COL28A1: variants seen among roughly 807,000 people sequenced by gnomAD.
COL28A1 encodes collagen type XXVIII alpha 1 chain.
COL28A1 carries 161 observed loss-of-function variants against 150.2 expected under a neutral mutation model. The ratio of observed to expected loss-of-function variants is 1.07; its 90% confidence interval spans 0.94 to 1.22. COL28A1 has a LOEUF of 1.22. Among genes scored for constraint, COL28A1 ranks in the 50% most tolerant of loss-of-function variants. COL28A1 has a pLI of 0.00. For synonymous variants in COL28A1, 552 were observed against 469.7 expected (o/e 1.18, Z -2.26); for missense variants, 1,617 against 1,388.3 (o/e 1.16, Z -2.62).
intron 30 of COL28A1, among the ~76,000 whole-genome samples, chr7:7,377,623 C>A (rs1367272856): frequency 6.6e-6 from 1 of 152,056 alleles, no homozygotes; most frequent in Non-Finnish European, 1.5e-5. Flanking sequence ...GAAACAATGA[C>A]AAGAAATGTT....
chr7:7,344,857 T>C, the COL28A1 span, among the ~76,000 whole-genome samples: 2 of 152,126 alleles, frequency 1.3e-5, no homozygotes, highest in Non-Finnish European at 2.9e-5. Flanking sequence ...CTGACAAACC[T>C]GTCAATACAT....
chr7:7,454,436 T>C (rs532872140), intron 16 of COL28A1, among the ~76,000 whole-genome samples: 11 of 152,326 alleles, frequency 7.2e-5, no homozygotes, highest in African/African-American at 2.2e-4. Context: ...ATTTTACAAA[T>C]AGAGATCTCA....
In COL28A1 at chr7:7,373,729, C is replaced by A. The variant is rs1781366158; in HGVS notation, c.2360-183G>T. 6.7e-6 allele frequency among the ~76,000 whole-genome samples: 1 copy of A among 149,400 alleles called. No individual in the cohort carries two copies. The highest frequency in any genetic ancestry group is 2.5e-5 in the African/African-American group (1 of 40,740). ...TCTTTTTTTTTTTGTGAGACAGAGT[C>A]TCGCTGTCGCCCAGGTTGGAGTGCA... On this transcript the variant is annotated intron_variant, in intron 31 of 34. Coordinates refer to ENST00000399429, the MANE Select transcript of COL28A1 (RefSeq NM_001037763.3). This position sits in a 1 kb window ranked among gnomAD's most constrained non-coding sequence, Gnocchi z 4.1.
Position 7,372,911 on chromosome 7 carries a change from T to C in COL28A1, c.2908+87A>G, listed in dbSNP as rs1583233498. ...CATAAGCCTTATTAGCCTCCAGATT[T>C]TTCTATTTGGTCAGGACAAACCAGT... On this transcript the variant is annotated intron_variant, in intron 32 of 34. Transcript: ENST00000399429. 6.3e-6 allele frequency: 7 copies of C among 1,119,308 alleles called. No individual in the cohort carries two copies. The East Asian group carries it at 1.2e-4, about 19-fold the overall frequency. The allele number at this position is 1,119,308 out of a possible 1,614,324, so 69.3% of individuals were successfully genotyped here.
At chr7:7,511,726 T>A in intron 8 of COL28A1, 1 of 470,672 alleles carries the variant, frequency 2.1e-6, no homozygotes, top group Non-Finnish European at 4.4e-6. Context: ...CGTGAGTTAG[T>A]GGGAACAGGT....
At chr7:7,362,700 A>C (rs1485926504) in intron 33 of COL28A1, among the ~76,000 whole-genome samples, 2 of 152,164 alleles carry the variant, frequency 1.3e-5, no homozygotes, top group East Asian at 3.8e-4. Flanking sequence ...CCTAAACACA[A>C]CTTTTGGTAC....
intron 16 of COL28A1, among the ~76,000 whole-genome samples, chr7:7,455,605 T>A (rs1443148673): frequency 6.6e-6 from 1 of 152,204 alleles, no homozygotes; most frequent in Non-Finnish European, 1.5e-5. Flanking sequence ...TATAATACTT[T>A]TTTAAAAAAT....
At chr7:7,524,053 T>C (rs1179922650) in intron 4 of COL28A1, among the ~76,000 whole-genome samples, 176 bp downstream of exon 4, 2 of 152,228 alleles carry the variant, frequency 1.3e-5, no homozygotes, top group African/African-American at 4.8e-5. Context: ...CCAACTTGCA[T>C]TGAATATGGT....
chr7:7,462,124 A>C (rs1787682364), intron 15 of COL28A1, among the ~76,000 whole-genome samples: 2 of 152,122 alleles, frequency 1.3e-5, no homozygotes, highest in African/African-American at 4.8e-5. Context: ...TCCAGAAGAG[A>C]GATAACAATC....
At chr7:7,443,182 T>C (rs1283994752) in intron 20 of COL28A1, among the ~76,000 whole-genome samples, 3 of 152,202 alleles carry the variant, frequency 2.0e-5, no homozygotes, top group Non-Finnish European at 4.4e-5. Flanking sequence ...GTGGTTAAAA[T>C]AGATTTATGC....
intron 27 of COL28A1, among the ~76,000 whole-genome samples, chr7:7,394,560 G>A (rs114805419): frequency 0.014 from 2,155 of 152,224 alleles, 45 homozygotes; most frequent in African/African-American, 0.049. Context: ...GCTGAGGTTG[G>A]CCATGACAAT....
intron 10 of COL28A1, among the ~76,000 whole-genome samples, chr7:7,506,798 C>G (rs1211147617): frequency 6.6e-6 from 1 of 152,144 alleles, no homozygotes; most frequent in Non-Finnish European, 1.5e-5. Flanking sequence ...ATAGTTACAT[C>G]CTGCTTTTAA....
intron 27 of COL28A1, among the ~76,000 whole-genome samples, chr7:7,399,181 C>G (rs1583291259): frequency 1.3e-5 from 2 of 152,144 alleles, no homozygotes; most frequent in South Asian, 4.2e-4. Context: ...TCTCCACTCA[C>G]CCCTCAGGCT....
intron 15 of COL28A1, among the ~76,000 whole-genome samples, chr7:7,472,811 G>A (rs756462492): frequency 5.9e-5 from 9 of 152,114 alleles, no homozygotes; most frequent in Non-Finnish European, 8.8e-5. Flanking sequence ...GCATGGTACT[G>A]GTATAAAATA....
intron 6 of COL28A1, 48 bp downstream of exon 6, chr7:7,520,014 T>C: frequency 2.3e-6 from 2 of 884,422 alleles, no homozygotes; most frequent in Non-Finnish European, 3.7e-6. Context: ...AAAAAAAAAG[T>C]CTAGAAGGAG....
At chr7:7,421,323 G>A (rs2128308712) in intron 25 of COL28A1, among the ~76,000 whole-genome samples, 1 of 152,304 alleles carries the variant, frequency 6.6e-6, no homozygotes, top group African/African-American at 2.4e-5. Context: ...AACTATAAAT[G>A]GTCGTGAGGG....
At chr7:7,461,871 C>A (rs1220478075) in intron 15 of COL28A1, among the ~76,000 whole-genome samples, 1 of 152,186 alleles carries the variant, frequency 6.6e-6, no homozygotes, top group African/African-American at 2.4e-5. Context: ...ACCACCTGTT[C>A]CTTCCCATAC....
At chr7:7,471,125 T>TAAAAAAAAAAAAAAAAAAAA (rs746981344) in intron 15 of COL28A1, among the ~76,000 whole-genome samples, 2 of 88,490 alleles carry the variant, frequency 2.3e-5, no homozygotes, top group African/African-American at 4.1e-5. Flanking sequence ...AAAAAATAAT[T>TAAAAAAAAAAAAAAAAAAAA]AAAAAAAAAA....
At chr7:7,483,880 AT>A (rs1476714692) in intron 13 of COL28A1, among the ~76,000 whole-genome samples, 4 of 152,134 alleles carry the variant, frequency 2.6e-5, no homozygotes, top group Non-Finnish European at 4.4e-5. Flanking sequence ...ATAACTAAGA[AT>A]TTTTAAAATA....
Sources: gnomAD v4.1 joint callset for allele counts (sites outside exome capture counted in the v4.1 genomes callset) on GRCh38, gnomAD v4.1.1 for gene constraint, Gnocchi (gnomAD v3.1) non-coding constraint, MANE v1.5 for transcripts, NCBI Gene and HGNC (gene_info 2026-07-23, HGNC 2026-07-21) for gene names.